Variants in NBAS observed in about 807,000 individuals in gnomAD.
The protein encoded by NBAS is NBAS subunit of NRZ tethering complex.
In NBAS, 219 loss-of-function variants were observed where a neutral mutation model predicts 302.5. The observed-to-expected ratio is 0.72, with a 90% CI of 0.65 to 0.81. NBAS has a LOEUF of 0.81. Ranked by LOEUF, NBAS falls within the 30% of genes least tolerant of loss-of-function variation. NBAS has a pLI of 0.00. For missense variants in NBAS, 2,932 were observed against 2,841.6 expected (o/e 1.03, Z -0.72); for synonymous variants, 1,118 against 1,021.6 (o/e 1.09, Z -1.80).
At chr2:14,800,157 T>C in the NBAS span, among the ~76,000 whole-genome samples, 1 of 152,216 alleles carries the variant, frequency 6.6e-6, no homozygotes, top group Admixed American at 6.5e-5. Flanking sequence ...TTTGGATTAA[T>C]TAAATATTTT....
intron 46 of NBAS, 101 bp from the exon 47 acceptor site, chr2:15,232,612 C>T (rs1376588141): frequency 2.1e-6 from 2 of 954,612 alleles, no homozygotes; most frequent in East Asian, 5.2e-5. Context: ...GATTTTGGCA[C>T]AGTATACTGC....
intron 38 of NBAS, among the ~76,000 whole-genome samples, chr2:15,320,927 G>A (rs567884997): frequency 7.2e-5 from 11 of 152,178 alleles, no homozygotes; most frequent in East Asian, 1.9e-4. Flanking sequence ...AAAAGAGCCC[G>A]CATTGCCAAG....
chr2:15,258,710 A>G (rs1430844381), intron 44 of NBAS, among the ~76,000 whole-genome samples: 1 of 152,176 alleles, frequency 6.6e-6, no homozygotes, highest in East Asian at 1.9e-4. Context: ...TAAGATGTTT[A>G]TCAAGACAAT....
chr2:15,129,082 T>C, the NBAS span, among the ~76,000 whole-genome samples: 246 of 152,354 alleles, frequency 1.6e-3, no homozygotes, highest in Middle Eastern at 3.4e-3. Context: ...CAGCCGCAGC[T>C]CTCCGGCTGC....
chr2:14,807,179 A>G, the NBAS span, among the ~76,000 whole-genome samples: 9 of 152,122 alleles, frequency 5.9e-5, no homozygotes, highest in African/African-American at 2.2e-4. Flanking sequence ...CATGAGTTCA[A>G]ATATAATTTT....
the NBAS span, among the ~76,000 whole-genome samples, chr2:14,826,033 G>C: frequency 6.6e-6 from 1 of 152,342 alleles, no homozygotes; most frequent in Non-Finnish European, 1.5e-5. Context: ...GTACCCATGA[G>C]ACCATAAGTA....
At chr2:15,115,556 A>G in the NBAS span, among the ~76,000 whole-genome samples, 1 of 152,184 alleles carries the variant, frequency 6.6e-6, no homozygotes, top group Non-Finnish European at 1.5e-5. Flanking sequence ...AGCTGAGTGC[A>G]GTGGTACAAT....
chr2:15,170,189 G>A, intron 51 of NBAS, among the ~76,000 whole-genome samples: 1 of 152,212 alleles, frequency 6.6e-6, no homozygotes, highest in East Asian at 1.9e-4. Flanking sequence ...AAGAGACAGG[G>A]GTTCTGTTAA....
intron 44 of NBAS, among the ~76,000 whole-genome samples, chr2:15,245,018 A>G (rs1022858025): frequency 6.6e-6 from 1 of 152,054 alleles, no homozygotes; most frequent in Non-Finnish European, 1.5e-5. Flanking sequence ...CCAAGTGGGT[A>G]CGGGCCCTGA....
At chr2:14,944,172 C>G in the NBAS span, among the ~76,000 whole-genome samples, 7 of 151,696 alleles carry the variant, frequency 4.6e-5, no homozygotes, top group African/African-American at 1.7e-4. Context: ...TGGTGGCGGG[C>G]GCCTGTAGTC....
chr2:15,308,473 C>G (rs1382141809), intron 39 of NBAS, 120 bp from the exon 40 acceptor site: 21 of 1,247,760 alleles, frequency 1.7e-5, no homozygotes, highest in Non-Finnish European at 2.3e-5. Context: ...TACATCAACT[C>G]AAGCTCAAGA....
the NBAS span, among the ~76,000 whole-genome samples, chr2:15,055,557 G>A: frequency 2.0e-5 from 3 of 152,158 alleles, no homozygotes; most frequent in Non-Finnish European, 4.4e-5. Flanking sequence ...AGGAGTCAGA[G>A]AATGGTGAGG....
the NBAS span, among the ~76,000 whole-genome samples, chr2:14,872,547 G>A: frequency 2.0e-5 from 3 of 152,284 alleles, no homozygotes; most frequent in South Asian, 2.1e-4. Flanking sequence ...CTGATATTTG[G>A]AAGTGTCTGG....
chr2:15,166,738 C>T (rs1444405470), downstream of NBAS, among the ~76,000 whole-genome samples: 1 of 152,128 alleles, frequency 6.6e-6, no homozygotes, highest in African/African-American at 2.4e-5. Flanking sequence ...CATCCACCAG[C>T]ACATCCAACT....
At chr2:15,398,236 T>C (rs1310276709) in intron 26 of NBAS, among the ~76,000 whole-genome samples, 1 of 152,126 alleles carries the variant, frequency 6.6e-6, no homozygotes, top group Non-Finnish European at 1.5e-5. Context: ...CTCTGTGTCC[T>C]GGGCTCAAGC....
intron 41 of NBAS, among the ~76,000 whole-genome samples, chr2:15,287,522 G>C (rs549332734): frequency 1.3e-5 from 2 of 152,174 alleles, no homozygotes; most frequent in Non-Finnish European, 2.9e-5. Context: ...AGCATCTCAT[G>C]GGTAGAGGCC....
the NBAS span, among the ~76,000 whole-genome samples, chr2:14,896,747 G>A: frequency 6.6e-6 from 1 of 152,280 alleles, no homozygotes; most frequent in African/African-American, 2.4e-5. Context: ...GAAGAAGTCT[G>A]CAGGCCATTG....
chr2:15,454,272 T>A (rs1482750847), intron 21 of NBAS, among the ~76,000 whole-genome samples: 2 of 152,142 alleles, frequency 1.3e-5, no homozygotes, highest in African/African-American at 4.8e-5. Flanking sequence ...AGTAAACATA[T>A]AATTGTCACA....
the NBAS span, among the ~76,000 whole-genome samples, chr2:14,916,501 T>C: frequency 1.2e-3 from 176 of 152,342 alleles, 1 homozygote; most frequent in African/African-American, 3.5e-3. Flanking sequence ...ACCAAGATAA[T>C]GCATATCGCA....
Sources: gnomAD v4.1 joint callset for allele counts (sites outside exome capture counted in the v4.1 genomes callset) on GRCh38, gnomAD v4.1.1 for gene constraint, MANE v1.5 for transcripts, NCBI Gene and HGNC (gene_info 2026-07-23, HGNC 2026-07-21) for gene names.